Variants in GNA14 observed in about 807,000 individuals in gnomAD.
The protein encoded by GNA14 is guanine nucleotide-binding protein subunit alpha-14.
Under a neutral mutation model 42.0 loss-of-function variants are expected in GNA14, and 50 were observed. The ratio of observed to expected loss-of-function variants is 1.19; its 90% CI spans 0.95 to 1.51. The LOEUF is 1.51. Ranked by LOEUF, GNA14 falls within the 40% of genes most tolerant of loss-of-function variation. The pLI is 0.00. For synonymous variants in GNA14, 173 were observed against 163.1 expected (o/e 1.06, Z -0.46); for missense variants, 473 against 446.2 (o/e 1.06, Z -0.54).
At chr9:77,560,850 GA>G (rs960812303) in intron 1 of GNA14, among the ~76,000 whole-genome samples, 168 of 146,506 alleles carry the variant, frequency 1.1e-3, no homozygotes, top group Middle Eastern at 6.9e-3. Flanking sequence ...GGGAATGGTG[GA>G]AAAAAAAAAG....
In GNA14 at chr9:77,563,219, C is replaced by T. The variant is rs557183690; in HGVS notation, c.125-33966G>A. 1.4e-4 allele frequency among the ~76,000 whole-genome samples: 22 copies of T among 152,230 alleles called. No homozygotes were observed. In the South Asian group the frequency reaches 4.6e-3, roughly 32 times the overall value. ...AACACCATCAGCTCAACAATGAAAC[C>T]TAAGGCAGATCCATTTTTCTCTTCA... On this transcript the variant is annotated intron_variant, in intron 1 of 6. Coordinates refer to ENST00000341700, the MANE Select transcript of GNA14 (RefSeq NM_004297.4).
At chr9:77,630,219 G>A (rs573080747) in intron 1 of GNA14, among the ~76,000 whole-genome samples, 2 of 151,772 alleles carry the variant, frequency 1.3e-5, no homozygotes, top group African/African-American at 2.4e-5. Context: ...CTGGGCTCAA[G>A]TTATCCTCCC....
At chr9:77,553,915 T>C (rs547984448) in intron 1 of GNA14, among the ~76,000 whole-genome samples, 4 of 152,304 alleles carry the variant, frequency 2.6e-5, no homozygotes, top group African/African-American at 9.6e-5. Flanking sequence ...ATTAGTTATG[T>C]TGACTCTCCA....
chr9:77,641,574 T>TAA (rs145926065), intron 1 of GNA14, among the ~76,000 whole-genome samples: 3 of 149,820 alleles, frequency 2.0e-5, no homozygotes, highest in Admixed American at 6.7e-5. Context: ...AACCGTCTGT[T>TAA]AAAAAAAAAG....
chr9:77,476,320 T>A (rs940658960), intron 2 of GNA14, among the ~76,000 whole-genome samples: 3 of 152,178 alleles, frequency 2.0e-5, no homozygotes, highest in Non-Finnish European at 4.4e-5. Context: ...AAACCCAGCA[T>A]CGCCATCTCT....
intron 1 of GNA14, among the ~76,000 whole-genome samples, chr9:77,544,897 T>C (rs1837702390): frequency 6.6e-6 from 1 of 152,042 alleles, no homozygotes; most frequent in Non-Finnish European, 1.5e-5. Flanking sequence ...GTGATAAGAC[T>C]TTGGACTCTC....
chr9:77,447,088 C>T (rs569691322), intron 2 of GNA14, among the ~76,000 whole-genome samples: 7 of 152,098 alleles, frequency 4.6e-5, no homozygotes, highest in South Asian at 2.1e-4. Context: ...CTCAGCCTCC[C>T]GAGTAGCTGG....
chr9:77,514,956 G>C lies in GNA14; in HGVS notation c.309+14113C>G, dbSNP rs192605500. Among the ~76,000 whole-genome samples, 12 of 152,224 alleles carry C rather than the reference G, an allele frequency of 7.9e-5. No individual in the cohort carries two copies. In the East Asian group the frequency reaches 2.1e-3, roughly 27 times the overall value. ...CAAATAAATGAAGTTAGCTATTTAT[G>C]AGTACAAAGGAAATCAGTTTCAGGA... is the stretch of plus-strand genomic sequence containing the variant. On this transcript the variant is annotated intron_variant, in intron 2 of 6. Coordinates refer to ENST00000341700, the MANE Select transcript of GNA14 (RefSeq NM_004297.4).
chr9:77,530,050 T>C (rs895331823), intron 1 of GNA14, among the ~76,000 whole-genome samples: 2 of 152,204 alleles, frequency 1.3e-5, no homozygotes, highest in Non-Finnish European at 2.9e-5. Context: ...TGGAACATGA[T>C]GTGTCCTATT....
At chr9:77,548,898 G>A (rs12340660) in intron 1 of GNA14, among the ~76,000 whole-genome samples, 26,217 of 151,900 alleles carry the variant, frequency 0.17, 4,274 homozygotes, top group African/African-American at 0.43. Context: ...TGGTAAGTAC[G>A]TGGTTCAACT....
chr9:77,436,689 T>C (rs1835643264), intron 2 of GNA14, among the ~76,000 whole-genome samples: 1 of 152,224 alleles, frequency 6.6e-6, no homozygotes, highest in African/African-American at 2.4e-5. Flanking sequence ...ATGTAAAATG[T>C]CTGTTTTCCT....
intron 2 of GNA14, among the ~76,000 whole-genome samples, chr9:77,515,553 A>G (rs1396342124): frequency 6.6e-6 from 1 of 152,134 alleles, no homozygotes; most frequent in African/African-American, 2.4e-5. Flanking sequence ...ATAACTTGAG[A>G]TTTCTAATGG....
intron 2 of GNA14, among the ~76,000 whole-genome samples, chr9:77,498,356 A>C (rs1836906735): frequency 7.2e-6 from 1 of 138,384 alleles, no homozygotes; most frequent in African/African-American, 2.8e-5. Flanking sequence ...CTGGGCAACA[A>C]GAGCAAAAGT....
intron 1 of GNA14, among the ~76,000 whole-genome samples, chr9:77,623,375 G>A (rs1376379897): frequency 1.3e-5 from 2 of 151,868 alleles, no homozygotes; most frequent in East Asian, 1.9e-4. Context: ...GGCTGAGATT[G>A]TAAATCTCTT....
intron 2 of GNA14, among the ~76,000 whole-genome samples, chr9:77,459,833 C>A (rs1261845955): frequency 6.6e-6 from 1 of 152,146 alleles, no homozygotes; most frequent in East Asian, 1.9e-4. Flanking sequence ...CTAGAAAGTG[C>A]CTTATATCCT....
chr9:77,447,654 A>T (rs997271248), intron 2 of GNA14, among the ~76,000 whole-genome samples: 1 of 152,056 alleles, frequency 6.6e-6, no homozygotes, highest in Non-Finnish European at 1.5e-5. Context: ...CCACAGAGTT[A>T]TTCAGGGATC....
intron 2 of GNA14, among the ~76,000 whole-genome samples, chr9:77,468,637 G>T (rs1475959424): frequency 6.6e-6 from 1 of 152,142 alleles, no homozygotes; most frequent in Admixed American, 6.5e-5. Context: ...ATCTGATTTG[G>T]TCGACATAAT....
At chr9:77,564,761 A>G (rs1439342288) in intron 1 of GNA14, among the ~76,000 whole-genome samples, 3 of 152,012 alleles carry the variant, frequency 2.0e-5, no homozygotes, top group Non-Finnish European at 4.4e-5. Context: ...TGAACCCAAG[A>G]GGCAGAGATT....
At chr9:77,477,817 G>C (rs1419635702) in intron 2 of GNA14, among the ~76,000 whole-genome samples, 2 of 151,992 alleles carry the variant, frequency 1.3e-5, no homozygotes, top group African/African-American at 4.8e-5. Flanking sequence ...AAAAAAGGAA[G>C]AATTGGAGAA....
Sources: gnomAD v4.1 joint callset for allele counts (sites outside exome capture counted in the v4.1 genomes callset) on GRCh38, gnomAD v4.1.1 for gene constraint, MANE v1.5 for transcripts, NCBI Gene and HGNC (gene_info 2026-07-23, HGNC 2026-07-21) for gene names.